Variants in TMEM128 observed in about 807,000 individuals in gnomAD.
TMEM128 encodes transmembrane protein 128.
In TMEM128, 16 loss-of-function variants were observed where a neutral mutation model predicts 19.7. The ratio of observed to expected loss-of-function variants is 0.81; its 90% CI spans 0.55 to 1.23. The LOEUF (loss-of-function observed/expected upper bound fraction) is 1.23, where lower values mean the gene tolerates loss of function less well. Ranked by LOEUF, TMEM128 falls within the 50% of genes most tolerant of loss-of-function variation. TMEM128 has a pLI of 0.00. For synonymous variants in TMEM128, 98 were observed against 75.8 expected, an observed-to-expected ratio of 1.29 and a Z score of -1.52; for missense variants, 237 against 200.8, an observed-to-expected ratio of 1.18 and a Z score of -1.09.
At chr4:4,241,239 A>AT (rs1251724502) in intron 2 of TMEM128, among the ~76,000 whole-genome samples, 1 of 152,240 alleles carries the variant, frequency 6.6e-6, no homozygotes, top group Non-Finnish European at 1.5e-5. Context: ...CTGAAAGACA[A>AT]TTAGGAAGAT....
intron 1 of TMEM128, among the ~76,000 whole-genome samples, chr4:4,247,164 A>G (rs1375053056): frequency 1.3e-5 from 2 of 152,172 alleles, no homozygotes; most frequent in African/African-American, 4.8e-5. Context: ...GGTGATGGAC[A>G]AGACATTTTT....
At position 4,237,808 on chromosome 4, in the gene TMEM128, A is replaced by G; in HGVS notation, c.*9+19T>C. 6.4e-7 allele frequency: 1 copy of G among 1,563,348 alleles called. No individual in the cohort carries two copies. Among genetic ancestry groups the G allele is most frequent in the Non-Finnish European group, 8.8e-7 (1 of 1,136,118 alleles). ...TTCAAACGAGTTCATTTTTAGAAAA[A>G]CCACTCCAGATATCTTACCTTCGGA... On this transcript the variant is annotated intron_variant, in intron 4 of 4. Coordinates refer to ENST00000382753, the MANE Select transcript of TMEM128 (RefSeq NM_001297551.2).
At chr4:4,248,039 C>A in intron 1 of TMEM128, 67 bp downstream of exon 1, 1 of 1,524,810 alleles carries the variant, frequency 6.6e-7, no homozygotes, top group Non-Finnish European at 8.8e-7. Context: ...GCCAGGGCTG[C>A]CGGAGGCCGG....
intron 3 of TMEM128, among the ~76,000 whole-genome samples, chr4:4,238,765 G>A (rs181801181): frequency 1.4e-3 from 213 of 152,314 alleles, no homozygotes; most frequent in South Asian, 2.7e-3. Flanking sequence ...CGGGGGTGGT[G>A]GCGCACGCCT....
intron 2 of TMEM128, 100 bp downstream of exon 2, chr4:4,246,102 G>C: frequency 8.0e-7 from 1 of 1,244,296 alleles, no homozygotes; most frequent in South Asian, 1.6e-5. Context: ...GGGCCTGGCA[G>C]AGAGTAGTAG....
chr4:4,240,307 C>A lies in TMEM128; in HGVS notation c.398+14G>T. 2 of 1,612,190 alleles carry A rather than the reference C, an allele frequency of 1.2e-6. No homozygotes were observed. The highest frequency in any genetic ancestry group is 2.2e-5 in the South Asian group (2 of 90,772). ...TGTTGTTCATTCCTGTTAGTCATTT[C>A]AAAGTTAACTTACCAAATTCCTGCT... On this transcript the variant is annotated intron_variant, in intron 3 of 4. Transcript: ENST00000382753.
At position 4,238,288 on chromosome 4, in the gene TMEM128, G is replaced by C. The variant is rs373827037; in HGVS notation, c.399-353C>G. Among the ~76,000 whole-genome samples, 7 of 152,178 alleles carry C rather than the reference G, an allele frequency of 4.6e-5. No homozygotes were observed. In the East Asian group the frequency reaches 1.2e-3, roughly 25 times the overall value. Reference sequence around the variant, plus strand: ...TGACATCACACACTAAACTATCATGGTAAAAAAGACCAAAATATTGTCTCT... The same window carrying C: ...TGACATCACACACTAAACTATCATGCTAAAAAAGACCAAAATATTGTCTCT... On this transcript the variant is annotated intron_variant, in intron 3 of 4. Coordinates refer to ENST00000382753, the MANE Select transcript of TMEM128 (RefSeq NM_001297551.2).
chr4:4,238,409 C>T (rs1381546045), intron 3 of TMEM128, among the ~76,000 whole-genome samples: 1 of 152,082 alleles, frequency 6.6e-6, no homozygotes, highest in Admixed American at 6.5e-5. Context: ...AATTAAAACA[C>T]TAAGTATAAA....
intron 4 of TMEM128, among the ~76,000 whole-genome samples, chr4:4,236,486 G>C (rs1291830144): frequency 6.6e-6 from 1 of 152,166 alleles, no homozygotes; most frequent in Non-Finnish European, 1.5e-5. Flanking sequence ...TCAAAGAAGG[G>C]GCTGAGAACA....
chr4:4,242,477 T>C (rs1026243275), intron 2 of TMEM128, among the ~76,000 whole-genome samples: 1 of 151,856 alleles, frequency 6.6e-6, no homozygotes, highest in African/African-American at 2.4e-5. Flanking sequence ...GGAGTCTTTT[T>C]AGACATTTTT....
rs1034140032 is a variant in TMEM128 at position 4,236,387 on chromosome 4, TACA to T, written c.*10-134_*10-132del. ...AAAAAGCATAGTTCACTCTGTAATCTACAACATTGTCTGAGTCTCCATTACCAA... is the reference window on the plus strand; with the variant it reads ...AAAAAGCATAGTTCACTCTGTAATCTACATTGTCTGAGTCTCCATTACCAA... On this transcript the variant is annotated intron_variant, in intron 4 of 4. Coordinates refer to ENST00000382753, the MANE Select transcript of TMEM128 (RefSeq NM_001297551.2). The T allele has an allele frequency of 4.2e-4, 64 of 152,210 alleles. 1 individual carries two copies. Among genetic ancestry groups the T allele is most frequent in the African/African-American group, 1.5e-3 (61 of 41,452 alleles). 9.4% of individuals were successfully genotyped at this position (152,210 alleles called of 1,614,324 possible).
intron 2 of TMEM128, among the ~76,000 whole-genome samples, chr4:4,243,283 C>T (rs1170317338): frequency 1.3e-5 from 2 of 152,046 alleles, no homozygotes; most frequent in East Asian, 1.9e-4. Context: ...GGGGTTTCAC[C>T]GCGTTAGCCA....
chr4:4,237,851 G>A lies in TMEM128; in HGVS notation c.483C>T (p.Ile161=). The change falls in exon 4 of 5, where the codon ATC becomes ATT. Residue 161 remains isoleucine (I), a synonymous_variant. Coordinates refer to ENST00000382753, the MANE Select transcript of TMEM128 (RefSeq NM_001297551.2). ...CCTTCGGAAATCATCCAAGGAGTGT[G>A]ATAAACATGACAACCCCCATAAACT... ...FTQFMGVVMF[I]TLLG is the part of the protein sequence containing the mutation. The A allele has an allele frequency of 6.3e-7, 1 of 1,597,896 alleles. No individual in the cohort carries two copies. Among genetic ancestry groups the A allele is most frequent in the Non-Finnish European group, 8.5e-7 (1 of 1,170,434 alleles).
chr4:4,247,403 G>A (rs191687240), intron 1 of TMEM128, among the ~76,000 whole-genome samples: 1 of 152,312 alleles, frequency 6.6e-6, no homozygotes, highest in Non-Finnish European at 1.5e-5. Context: ...TGGGCATGAG[G>A]TTATTCGTGT....
chr4:4,246,934 G>C (rs1359100030), intron 1 of TMEM128, among the ~76,000 whole-genome samples: 1 of 152,084 alleles, frequency 6.6e-6, no homozygotes, highest in African/African-American at 2.4e-5. Flanking sequence ...TTTTAGTAGA[G>C]ACGGGGTTTC....
In TMEM128 at chr4:4,240,042, TC is replaced by T. The variant is rs376440342; in HGVS notation, c.398+278del. On this transcript the variant is annotated intron_variant, in intron 3 of 4. Transcript: ENST00000382753. ...ACTAATTCATTCATCTCAGTTTTTT[TC>T]ACTTTTCTATATGTACTGTATGTCA... 2.6e-3 allele frequency among the ~76,000 whole-genome samples: 394 copies of T among 152,316 alleles called. 1 individual carries two copies. Among genetic ancestry groups the T allele is most frequent in the African/African-American group, 9.2e-3 (384 of 41,566 alleles).
chr4:4,240,583 A>G, intron 2 of TMEM128, 104 bp from the exon 3 acceptor site: 1 of 1,271,436 alleles, frequency 7.9e-7, no homozygotes, highest in Non-Finnish European at 1.1e-6. Flanking sequence ...AAGAATATCA[A>G]GTGTTGCAGA....
At chr4:4,246,572 A>C (rs547921513) in intron 1 of TMEM128, among the ~76,000 whole-genome samples, 40 of 152,332 alleles carry the variant, frequency 2.6e-4, no homozygotes, top group Middle Eastern at 3.4e-3. Flanking sequence ...TGTGAAATCA[A>C]ATTTACACTT....
At chr4:4,240,505 T>A in intron 2 of TMEM128, 26 bp from the exon 3 acceptor site, 1 of 1,602,824 alleles carries the variant, frequency 6.2e-7, no homozygotes, top group East Asian at 2.3e-5. Context: ...CAGTAAGAGG[T>A]CTGACAGCAC....
Sources: allele counts gnomAD v4.1 joint callset (sites outside exome capture counted in the v4.1 genomes callset), GRCh38; gene constraint gnomAD v4.1.1; transcripts MANE v1.5; gene names NCBI Gene and HGNC (gene_info 2026-07-23, HGNC 2026-07-21).